The following ENO4 variants were observed in gnomAD, a reference collection of about 807,000 sequenced individuals.
The protein encoded by ENO4 is enolase 4.
In ENO4, 53 loss-of-function variants were observed where a neutral mutation model predicts 63.2. The observed-to-expected ratio is 0.84, with a 90% CI of 0.67 to 1.05. The LOEUF is 1.05. Ranked by LOEUF, ENO4 falls within the 50% of genes least tolerant of loss-of-function variation. ENO4 has a pLI of 0.00. For synonymous variants in ENO4, 266 were observed against 283.8 expected, an observed-to-expected ratio of 0.94 and a Z score of 0.63; for missense variants, 719 against 772.0, an observed-to-expected ratio of 0.93 and a Z score of 0.81.
intron 10 of ENO4, among the ~76,000 whole-genome samples, chr10:116,896,521 T>TA (rs1412985481): frequency 6.6e-6 from 1 of 152,120 alleles, no homozygotes; most frequent in East Asian, 1.9e-4. Flanking sequence ...TATGTCACAT[T>TA]AAAAAAATAC....
chr10:116,859,352 G>C (rs1429436592), intron 4 of ENO4, among the ~76,000 whole-genome samples: 3 of 152,178 alleles, frequency 2.0e-5, no homozygotes, highest in African/African-American at 7.2e-5. Context: ...CTCACCCAGA[G>C]GTGATAAATA....
chr10:116,897,299 T>C (rs1185011589), intron 10 of ENO4, among the ~76,000 whole-genome samples: 1 of 152,226 alleles, frequency 6.6e-6, no homozygotes, highest in African/African-American at 2.4e-5. Flanking sequence ...GGTTTGTGTT[T>C]TTCTATAAAA....
Position 116,882,456 on chromosome 10 carries a change from G to C in ENO4, c.*787G>C, listed in dbSNP as rs1325978503. On this transcript the variant is annotated 3_prime_UTR_variant, in exon 14 of 14. Transcript: ENST00000341276. ...CATTGCCTGAATTGCTCTTTTGTAA[G>C]CCAGTGTTGGGATTATAGCAGAGGA... 2 of 148,622 alleles carry C rather than the reference G, an allele frequency of 1.3e-5. No homozygotes were observed. The highest frequency in any genetic ancestry group is 2.5e-5 in the African/African-American group (1 of 40,314). The allele number at this position is 148,622 out of a possible 1,614,324, so 9.2% of individuals were successfully genotyped here. A position where few individuals can be genotyped will look rare whatever the true frequency, so the allele number is the denominator to read the frequency against.
At chr10:116,883,732 A>G (rs17678211), downstream of ENO4, 1,878 of 155,092 alleles carry the variant, frequency 0.012, 23 homozygotes, top group Non-Finnish European at 0.019. Flanking sequence ...GAGTAGTTAG[A>G]GCCAAAGCAT....
chr10:116,884,486 A>G (rs1399398242), downstream of ENO4: 2 of 335,666 alleles, frequency 6.0e-6, no homozygotes, highest in Non-Finnish European at 1.2e-5. Context: ...CATTTCACCC[A>G]AAGGGCAACT....
intron 10 of ENO4, among the ~76,000 whole-genome samples, chr10:116,894,217 G>A (rs1564862170): frequency 6.6e-6 from 1 of 152,156 alleles, no homozygotes; most frequent in South Asian, 2.1e-4. Flanking sequence ...ATAAATTTGT[G>A]TGGGGCCAAA....
intron 13 of ENO4, among the ~76,000 whole-genome samples, chr10:116,880,219 G>A (rs1846966329): frequency 6.6e-6 from 1 of 152,158 alleles, no homozygotes; most frequent in African/African-American, 2.4e-5. Flanking sequence ...TAGGCTGCAC[G>A]ATGCTCTTCA....
intron 10 of ENO4, among the ~76,000 whole-genome samples, chr10:116,899,053 CTCAT>C (rs1351143075): frequency 2.6e-5 from 4 of 152,104 alleles, no homozygotes; most frequent in East Asian, 1.9e-4. Context: ...TGAAAATGTG[CTCAT>C]TCATTCATTT....
Position 116,881,908 on chromosome 10 carries a change from C to T in ENO4, c.*239C>T. The T allele has an allele frequency of 2.7e-6, 1 of 367,332 alleles. No homozygotes were observed. Among genetic ancestry groups the T allele is most frequent in the Admixed American group, 4.6e-5 (1 of 21,564 alleles). The allele number at this position is 367,332 out of a possible 1,614,324, so 22.8% of individuals were successfully genotyped here. ...TGGATTTTGTTTGTCTATTAGCTCTCCTGTCCATTTTTCAGGGACACGCTC... is the reference window on the plus strand; with the variant it reads ...TGGATTTTGTTTGTCTATTAGCTCTTCTGTCCATTTTTCAGGGACACGCTC... On this transcript the variant is annotated 3_prime_UTR_variant, in exon 14 of 14. Coordinates refer to ENST00000341276, the MANE Select transcript of ENO4 (RefSeq NM_001242699.2).
intron 4 of ENO4, 89 bp downstream of exon 4, chr10:116,859,227 G>C: frequency 7.2e-7 from 1 of 1,391,470 alleles, no homozygotes. Flanking sequence ...TGAGTCTCTT[G>C]GCTACAGGCC....
intron 1 of ENO4, among the ~76,000 whole-genome samples, chr10:116,854,341 C>T (rs965933855): frequency 2.6e-5 from 4 of 152,080 alleles, no homozygotes; most frequent in South Asian, 2.1e-4. Flanking sequence ...AGGCGGATCA[C>T]GAGGTCAGGA....
At chr10:116,886,484 A>G, downstream of ENO4, 1 of 1,614,168 alleles carries the variant, frequency 6.2e-7, no homozygotes, top group Non-Finnish European at 8.5e-7. Context: ...TCATGTGTAG[A>G]AACAGGATCT....
At chr10:116,856,057 G>T (rs1199386587) in intron 2 of ENO4, among the ~76,000 whole-genome samples, 3 of 152,242 alleles carry the variant, frequency 2.0e-5, no homozygotes, top group Middle Eastern at 3.4e-3. Context: ...CTACATGTAG[G>T]TTTATAGATT....
At chr10:116,901,755 C>T (rs865948000) in intron 10 of ENO4, 15 of 1,579,046 alleles carry the variant, frequency 9.5e-6, no homozygotes, top group South Asian at 1.2e-5. Flanking sequence ...TAAAGAGCAT[C>T]GTTACTTACT....
At chr10:116,900,449 C>A in intron 10 of ENO4, 1 of 1,218,792 alleles carries the variant, frequency 8.2e-7, no homozygotes, top group Non-Finnish European at 1.2e-6. Context: ...TATTTCATTT[C>A]CTTTCTTGGA....
chr10:116,881,399 C>T (rs749143552), intron 13 of ENO4, 116 bp from the exon 14 acceptor site: 117 of 744,746 alleles, frequency 1.6e-4, no homozygotes, highest in Non-Finnish European at 7.9e-5. Context: ...GAGTCCTTTC[C>T]GATGGTGATG....
intron 1 of ENO4, among the ~76,000 whole-genome samples, chr10:116,850,402 C>T (rs1184680073): frequency 6.6e-6 from 1 of 152,100 alleles, no homozygotes; most frequent in Non-Finnish European, 1.5e-5. Flanking sequence ...GAAGCCTTGT[C>T]TTCTCACCTT....
intron 7 of ENO4, among the ~76,000 whole-genome samples, chr10:116,863,356 TCACACA>T (rs10646641): frequency 7.5e-5 from 11 of 147,294 alleles, no homozygotes; most frequent in South Asian, 6.6e-4. Context: ...CTGTGGGGCT[TCACACA>T]CACACACACA....
chr10:116,868,408 G>A (rs889940232), intron 7 of ENO4, among the ~76,000 whole-genome samples: 2 of 152,318 alleles, frequency 1.3e-5, no homozygotes, highest in South Asian at 2.1e-4. Flanking sequence ...TGTGACTGGG[G>A]GCAGAGGGTA....
Sources: allele counts gnomAD v4.1 joint callset (sites outside exome capture counted in the v4.1 genomes callset), GRCh38; gene constraint gnomAD v4.1.1; transcripts MANE v1.5; gene names NCBI Gene and HGNC (gene_info 2026-07-23, HGNC 2026-07-21).